The following MTHFD1 variants were observed in gnomAD, a reference collection of about 807,000 sequenced individuals.
The protein encoded by MTHFD1 is C-1-tetrahydrofolate synthase, cytoplasmic.
A neutral mutation model predicts 110.3 loss-of-function variants in MTHFD1; 44 were observed. The observed-to-expected ratio is 0.40, with a 90% CI of 0.31 to 0.51. MTHFD1 has a LOEUF of 0.51. MTHFD1 is among the 20% of genes least tolerant of loss of function. MTHFD1 has a pLI of 0.60. For synonymous variants in MTHFD1, 402 were observed against 428.8 expected, an observed-to-expected ratio of 0.94 and a Z score of 0.77; for missense variants, 909 against 1,173.1, an observed-to-expected ratio of 0.77 and a Z score of 3.29.
chr14:64,440,583 C>G (rs113480882), intron 18 of MTHFD1: 7,366 of 391,094 alleles, frequency 0.019, 498 homozygotes, highest in African/African-American at 0.14. Context: ...ATTGCTTTAT[C>G]TTTGTTGCTA....
intron 2 of MTHFD1, 116 bp from the exon 3 acceptor site, chr14:64,410,974 C>G (rs2077978833): frequency 1.7e-5 from 13 of 772,380 alleles, no homozygotes; most frequent in Middle Eastern, 2.9e-4. Flanking sequence ...TAAAAGTTCT[C>G]TGCAACAAGA....
intron 11 of MTHFD1, among the ~76,000 whole-genome samples, 187 bp downstream of exon 11, chr14:64,426,379 G>A (rs569470360): frequency 8.8e-4 from 134 of 152,308 alleles, no homozygotes; most frequent in African/African-American, 3.2e-3. Context: ...TATAATCATA[G>A]ATGAGAAAAT....
intron 3 of MTHFD1, among the ~76,000 whole-genome samples, chr14:64,411,867 C>G (rs1299512639): frequency 2.0e-5 from 3 of 151,996 alleles, no homozygotes; most frequent in Non-Finnish European, 4.4e-5. Flanking sequence ...TGCCATTGCA[C>G]TCCAGCCTGG....
rs1390579474 is a variant in MTHFD1, at chr14:64,449,349, C to T, written c.2280-96C>T. On this transcript the variant is annotated intron_variant, in intron 23 of 27. Coordinates refer to ENST00000652337, the MANE Select transcript of MTHFD1 (RefSeq NM_005956.4). ...AATTTCTTGGTTAGTGTTCGTTTAT[C>T]AGTGGGTAATTCACATGAGGTTTAA... is the stretch of plus-strand genomic sequence containing the variant. 27 of 1,392,572 alleles carry T rather than the reference C, an allele frequency of 1.9e-5. No homozygotes were observed. The East Asian group carries it at 3.9e-4, about 20-fold the overall frequency. 86.3% of individuals were successfully genotyped at this position (1,392,572 alleles called of 1,614,324 possible).
At position 64,446,472 on chromosome 14, in the gene MTHFD1, A is replaced by T. The variant is rs923069151; in HGVS notation, c.2178+1738A>T. 5.3e-5 allele frequency among the ~76,000 whole-genome samples: 8 copies of T among 152,302 alleles called. No homozygotes were observed. In the South Asian group the frequency reaches 1.2e-3, roughly 24 times the overall value. ...CAATGCTACAAGCAGGGCTGCAGTAAACATACTTAAAGATACATTTCCTTA... is the reference window on the plus strand; with the variant it reads ...CAATGCTACAAGCAGGGCTGCAGTATACATACTTAAAGATACATTTCCTTA... On this transcript the variant is annotated intron_variant, in intron 22 of 27. Transcript: ENST00000652337.
chr14:64,440,435 G>A, intron 18 of MTHFD1, 169 bp downstream of exon 18: 1 of 814,828 alleles, frequency 1.2e-6, no homozygotes, highest in African/African-American at 1.7e-5. Flanking sequence ...TGTTTAAAAA[G>A]TACATCAGAG....
intron 12 of MTHFD1, among the ~76,000 whole-genome samples, chr14:64,428,181 T>G (rs947297268): frequency 6.9e-6 from 1 of 144,980 alleles, no homozygotes; most frequent in Non-Finnish European, 1.5e-5. Context: ...TGGTGTGATC[T>G]CGGCTCATTG....
Position 64,388,664 on chromosome 14 carries a change from A to G in MTHFD1, c.41+196A>G, listed in dbSNP as rs1001739175. On this transcript the variant is annotated intron_variant, in intron 1 of 27. Coordinates refer to ENST00000652337, the MANE Select transcript of MTHFD1 (RefSeq NM_005956.4). ...TGCAAGTGGACTGCCTAGTGGCTGT[A>G]GCCGCTGGCTCCTGTGCTTCGGGGA... The G allele has an allele frequency of 5.5e-5, 36 of 648,812 alleles. No homozygotes were observed. The African/African-American group carries it at 6.0e-4, about 11-fold the overall frequency. The allele number at this position is 648,812 out of a possible 1,614,324, so 40.2% of individuals were successfully genotyped here.
At chr14:64,453,977 GCCTTCTCT>G (rs1436202779) in intron 25 of MTHFD1, 116 bp downstream of exon 25, 2 of 717,048 alleles carry the variant, frequency 2.8e-6, no homozygotes, top group Non-Finnish European at 5.1e-6. Flanking sequence ...CTGGGTGGCA[GCCTTCTCT>G]CCTCTGAAAT....
chr14:64,398,931 G>C lies in MTHFD1; in HGVS notation c.42-1862G>C, dbSNP rs1332713352. Among the ~76,000 whole-genome samples, 3 of 152,200 alleles carry C rather than the reference G, an allele frequency of 2.0e-5. No homozygotes were observed. The East Asian group carries it at 5.8e-4, about 29-fold the overall frequency. On this transcript the variant is annotated intron_variant, in intron 1 of 27. Transcript: ENST00000652337. ...TGTATTGTTGAGAAGTTGTATGTTGGTAAATTGATCATCTTAGTTTTGCAA... is the reference window on the plus strand; with the variant it reads ...TGTATTGTTGAGAAGTTGTATGTTGCTAAATTGATCATCTTAGTTTTGCAA...
Position 64,456,209 on chromosome 14 carries a change from G to A in MTHFD1, c.2718+1334G>A, listed in dbSNP as rs568180536. Among the ~76,000 whole-genome samples, 425 of 152,052 alleles carry A rather than the reference G, an allele frequency of 2.8e-3. 2 individuals are homozygous for A. Among genetic ancestry groups the A allele is most frequent in the African/African-American group, 9.7e-3 (401 of 41,524 alleles). On this transcript the variant is annotated intron_variant, in intron 26 of 27. Transcript: ENST00000652337. ...AAGGTGGAGAGAGACACAGCCTGCC[G>A]AACTCAAGACTTTCTCATTTAGAAC... is the stretch of plus-strand genomic sequence containing the variant.
intron 3 of MTHFD1, among the ~76,000 whole-genome samples, chr14:64,411,621 C>G (rs536794632): frequency 6.6e-6 from 1 of 152,184 alleles, no homozygotes; most frequent in Admixed American, 6.5e-5. Flanking sequence ...GACAGATGGC[C>G]GGACGCGGTG....
intron 26 of MTHFD1, among the ~76,000 whole-genome samples, chr14:64,455,938 G>A (rs966040199): frequency 2.0e-5 from 3 of 152,214 alleles, no homozygotes; most frequent in Non-Finnish European, 4.4e-5. Flanking sequence ...GACTTGCTAT[G>A]ATGTACATCA....
rs141575895 is a variant in MTHFD1, at chr14:64,440,765, C to T, written c.1815+499C>T. 130 of 235,466 alleles carry T rather than the reference C, an allele frequency of 5.5e-4. 1 individual carries two copies. In the East Asian group the frequency reaches 0.012, roughly 21 times the overall value. 14.6% of individuals were successfully genotyped at this position (235,466 alleles called of 1,614,324 possible). A position where few individuals can be genotyped will look rare whatever the true frequency, so the allele number is the denominator to read the frequency against. ...TACAAATAACTGAGTACTCTGGGAA[C>T]GAGCATTGTCGTGCTCTAAAATAGT... On this transcript the variant is annotated intron_variant, in intron 18 of 27. Transcript: ENST00000652337.
intron 8 of MTHFD1, among the ~76,000 whole-genome samples, chr14:64,423,436 C>A (rs367761951): frequency 6.6e-6 from 1 of 152,000 alleles, no homozygotes; most frequent in African/African-American, 2.4e-5. Context: ...GACGGAGTTT[C>A]GCTCTTGTTG....
chr14:64,455,186 G>A (rs2078449425), intron 26 of MTHFD1: 1 of 387,634 alleles, frequency 2.6e-6, no homozygotes, highest in African/African-American at 2.1e-5. Flanking sequence ...CTGGGGTAGT[G>A]CTAACATAAT....
rs377476843 is a variant in MTHFD1 at position 64,435,643 on chromosome 14, T to C, written c.1569T>C (p.Ile523=). 3 of 1,612,300 alleles carry C rather than the reference T, an allele frequency of 1.9e-6. No individual in the cohort carries two copies. The African/African-American group carries it at 4.0e-5, about 22-fold the overall frequency. Residue 523 remains isoleucine (I), a synonymous_variant, in exon 16 of 28, where the codon ATT becomes ATC. Transcript: ENST00000652337. ...TAAACAGATTTGCAAGATTGGACAT[T>C]GATCCAGAAACCATAACTTGGCAAA... The part of the protein sequence containing the change: ...EEINRFARLD[I]DPETITWQRV...
At chr14:64,400,539 A>G (rs1323239182) in intron 1 of MTHFD1, among the ~76,000 whole-genome samples, 3 of 152,190 alleles carry the variant, frequency 2.0e-5, no homozygotes, top group Non-Finnish European at 4.4e-5. Flanking sequence ...TACAAAAATT[A>G]GCCAGGTGTG....
chr14:64,415,756 A>G lies in MTHFD1; in HGVS notation c.478+17A>G, dbSNP rs2078021105. On this transcript the variant is annotated intron_variant, in intron 6 of 27. Coordinates refer to ENST00000652337, the MANE Select transcript of MTHFD1 (RefSeq NM_005956.4). ...AAGAGACAGGTAAAAACAACAAACC[A>G]AACAACAAGAAAGCACCATTTCCTG... 1.2e-6 allele frequency: 2 copies of G among 1,611,952 alleles called. No individual in the cohort carries two copies. Among genetic ancestry groups the G allele is most frequent in the South Asian group, 1.1e-5 (1 of 90,932 alleles).
Sources: gnomAD v4.1 joint callset for allele counts (sites outside exome capture counted in the v4.1 genomes callset) on GRCh38, gnomAD v4.1.1 for gene constraint, MANE v1.5 for transcripts, NCBI Gene and HGNC (gene_info 2026-07-23, HGNC 2026-07-21) for gene names.